C2orf76: variants seen among roughly 807,000 people sequenced by gnomAD.
The protein encoded by C2orf76 is UPF0538 protein C2orf76.
Under a neutral mutation model 16.9 loss-of-function variants are expected in C2orf76, and 23 were observed. The ratio of observed to expected loss-of-function variants is 1.36; its 90% CI spans 0.98 to 1.93. C2orf76 has a LOEUF of 1.93. C2orf76 is among the 30% of genes most tolerant of loss of function. The probability of loss-of-function intolerance (pLI) is 0.00; values close to 1 mark genes in which losing one functional copy is unlikely to be tolerated. For synonymous variants in C2orf76, 48 were observed against 52.3 expected (o/e 0.92, Z 0.35); for missense variants, 152 against 152.6 (o/e 1.00, Z 0.02).
At chr2:119,353,259 T>C (rs1680460885) in intron 1 of C2orf76, among the ~76,000 whole-genome samples, 2 of 152,170 alleles carry the variant, frequency 1.3e-5, no homozygotes, top group African/African-American at 4.8e-5. Context: ...AGCATACTGT[T>C]AGTAGATGAA....
chr2:119,364,043 C>G (rs577332099), intron 1 of C2orf76, among the ~76,000 whole-genome samples: 29 of 111,164 alleles, frequency 2.6e-4, no homozygotes, highest in South Asian at 8.3e-4. Flanking sequence ...GAGAGAGAGA[C>G]AGACAGACAG....
At chr2:119,283,172 GCTGA>G in the C2orf76 span, among the ~76,000 whole-genome samples, 5 of 152,212 alleles carry the variant, frequency 3.3e-5, no homozygotes, top group African/African-American at 9.6e-5. Context: ...GAGGCTTTGG[GCTGA>G]CTGTCAACAG....
intron 2 of C2orf76, among the ~76,000 whole-genome samples, chr2:119,337,794 G>A (rs1044769568): frequency 6.6e-6 from 1 of 152,214 alleles, no homozygotes; most frequent in Non-Finnish European, 1.5e-5. Flanking sequence ...GTGTGAGTAG[G>A]TGGGTCTGAG....
chr2:119,320,113 A>C (rs992850588), intron 3 of C2orf76, among the ~76,000 whole-genome samples: 2 of 152,220 alleles, frequency 1.3e-5, no homozygotes, highest in African/African-American at 4.8e-5. Flanking sequence ...ATGCTTAGCA[A>C]CTTGGATATT....
the C2orf76 span, among the ~76,000 whole-genome samples, chr2:119,286,224 C>CAAAAAAAAAAAA: frequency 1.7e-5 from 1 of 60,342 alleles, no homozygotes; most frequent in African/African-American, 5.7e-5. Flanking sequence ...GACTCCATCT[C>CAAAAAAAAAAAA]AAAAAAAAAA....
intron 2 of C2orf76, among the ~76,000 whole-genome samples, chr2:119,336,622 C>T (rs951653037): frequency 6.6e-6 from 1 of 151,882 alleles, no homozygotes; most frequent in South Asian, 2.1e-4. Flanking sequence ...GATGGCAAAA[C>T]ATGACTACGA....
At chr2:119,364,833 C>T (rs537106603) in intron 1 of C2orf76, among the ~76,000 whole-genome samples, 37 of 152,190 alleles carry the variant, frequency 2.4e-4, no homozygotes, top group African/African-American at 7.9e-4. Flanking sequence ...ACTCCCACCA[C>T]GTTAGGAGGC....
At chr2:119,316,109 T>C (rs1679164536) in intron 4 of C2orf76, among the ~76,000 whole-genome samples, 1 of 152,362 alleles carries the variant, frequency 6.6e-6, no homozygotes, top group Admixed American at 6.5e-5. Context: ...TTTATATTTG[T>C]ATTTGTATTT....
intron 2 of C2orf76, chr2:119,339,084 G>A (rs1010257058): frequency 6.6e-6 from 1 of 152,170 alleles, no homozygotes. Context: ...CTTGCAACTT[G>A]TCTATGAGTT....
At chr2:119,360,170 G>C (rs1236900862) in intron 1 of C2orf76, among the ~76,000 whole-genome samples, 2 of 152,196 alleles carry the variant, frequency 1.3e-5, no homozygotes, top group Non-Finnish European at 2.9e-5. Flanking sequence ...TAGCAATCAA[G>C]TATCTTTAAT....
chr2:119,290,853 A>G, the C2orf76 span, among the ~76,000 whole-genome samples: 1 of 152,098 alleles, frequency 6.6e-6, no homozygotes, highest in Admixed American at 6.6e-5. Flanking sequence ...AAATAAAAAT[A>G]AAATTTTAGG....
intron 1 of C2orf76, 65 bp from the exon 2 acceptor site, chr2:119,340,036 C>G: frequency 6.5e-7 from 1 of 1,537,310 alleles, no homozygotes; most frequent in South Asian, 1.2e-5. Flanking sequence ...CAGCACCTAG[C>G]CTGCATCTCT....
At chr2:119,320,552 G>A (rs1679310621) in intron 3 of C2orf76, among the ~76,000 whole-genome samples, 1 of 151,692 alleles carries the variant, frequency 6.6e-6, no homozygotes, top group East Asian at 2.0e-4. Context: ...GTCATAAGTT[G>A]TTCTATCAAA....
chr2:119,358,368 G>C (rs563983638), intron 1 of C2orf76, among the ~76,000 whole-genome samples: 1 of 152,244 alleles, frequency 6.6e-6, no homozygotes, highest in South Asian at 2.1e-4. Context: ...CCTGAGGTCA[G>C]GAGTTCAAGA....
At chr2:119,363,050 C>T (rs1034911430) in intron 1 of C2orf76, among the ~76,000 whole-genome samples, 4 of 151,974 alleles carry the variant, frequency 2.6e-5, no homozygotes, top group Non-Finnish European at 5.9e-5. Context: ...TCTCACCTCC[C>T]TCAGCCTTCA....
intron 1 of C2orf76, among the ~76,000 whole-genome samples, chr2:119,361,442 T>G (rs1007871928): frequency 6.6e-6 from 1 of 152,200 alleles, no homozygotes; most frequent in Non-Finnish European, 1.5e-5. Context: ...TCAACCAACT[T>G]CAGGTGAAAA....
downstream of C2orf76, among the ~76,000 whole-genome samples, chr2:119,297,304 A>T (rs995345590): frequency 1.3e-5 from 2 of 152,226 alleles, no homozygotes; most frequent in African/African-American, 4.8e-5. Flanking sequence ...GTGATTTTTT[A>T]AAAAATGAGA....
chr2:119,284,563 C>T, the C2orf76 span, among the ~76,000 whole-genome samples: 3 of 152,098 alleles, frequency 2.0e-5, no homozygotes, highest in Non-Finnish European at 4.4e-5. Flanking sequence ...AAATTACCTC[C>T]ACCCCAAAAA....
At chr2:119,309,398 CTTTTTTTT>C (rs1193022536) in intron 5 of C2orf76, among the ~76,000 whole-genome samples, 6 of 71,358 alleles carry the variant, frequency 8.4e-5, no homozygotes, top group Admixed American at 3.6e-4. Context: ...TTCTCTTTTT[CTTTTTTTT>C]TTTTTTTTTT....
Sources: gnomAD v4.1 joint callset for allele counts (sites outside exome capture counted in the v4.1 genomes callset) on GRCh38, gnomAD v4.1.1 for gene constraint, MANE v1.5 for transcripts, NCBI Gene and HGNC (gene_info 2026-07-23, HGNC 2026-07-21) for gene names.